The following RASGRP3 variants were observed in gnomAD, a reference collection of about 807,000 sequenced individuals.
RASGRP3 encodes the protein RAS guanyl releasing protein 3.
RASGRP3 carries 54 observed loss-of-function variants against 82.7 expected under a neutral mutation model. The ratio of observed to expected loss-of-function variants is 0.65; its 90% CI spans 0.52 to 0.82. The LOEUF is 0.82. Among genes scored for constraint, RASGRP3 ranks in the 40% least tolerant of loss-of-function variants. RASGRP3 has a pLI of 0.00. For missense variants in RASGRP3, 861 were observed against 828.9 expected, an observed-to-expected ratio of 1.04 and a Z score of -0.48; for synonymous variants, 309 against 300.5, an observed-to-expected ratio of 1.03 and a Z score of -0.29.
chr2:33,548,221 C>T (rs1439630945), intron 13 of RASGRP3, among the ~76,000 whole-genome samples: 3 of 151,756 alleles, frequency 2.0e-5, no homozygotes, highest in Non-Finnish European at 4.4e-5. Context: ...ATTAGCTGGG[C>T]GCAGTGGCGG....
chr2:33,511,608 C>T (rs1055170932), intron 1 of RASGRP3, 102 bp from the exon 2 acceptor site: 2 of 152,606 alleles, frequency 1.3e-5, no homozygotes, highest in Non-Finnish European at 2.9e-5. Context: ...TCAAATACCA[C>T]CTATAACTCA....
At chr2:33,546,198 T>C (rs1574475586) in intron 13 of RASGRP3, among the ~76,000 whole-genome samples, 2 of 151,224 alleles carry the variant, frequency 1.3e-5, no homozygotes, top group African/African-American at 2.4e-5. Flanking sequence ...CTGAGGTGGG[T>C]GGATCACGAT....
chr2:33,542,965 T>G (rs972873563), intron 12 of RASGRP3, among the ~76,000 whole-genome samples: 1 of 152,200 alleles, frequency 6.6e-6, no homozygotes, highest in African/African-American at 2.4e-5. Context: ...AGTGCTAGGA[T>G]TGCAGGCATG....
At position 33,466,053 on chromosome 2, in the gene RASGRP3, A is replaced by G. The variant is rs188344451; in HGVS notation, c.-261+18110A>G. ...CACCCAAGAGCTCTAGTGTAGATGT[A>G]CAAAGAGATGAATGTTGTTTTTATG... On this transcript the variant is annotated intron_variant, in intron 2 of 18. Coordinates refer to the RASGRP3 transcript ENST00000402538. 7.9e-4 allele frequency among the ~76,000 whole-genome samples: 120 copies of G among 151,532 alleles called. 1 individual carries two copies. Among genetic ancestry groups the G allele is most frequent in the Non-Finnish European group, 1.2e-3 (79 of 67,804 alleles).
chr2:33,450,778 GT>G lies in RASGRP3; in HGVS notation c.-261+2842del, dbSNP rs1265746868. ...AGTATATGATAGTTCTATTTTAAAT[GT>G]TTTTTTCTTTTTTCTTTTCTTTCTT... On this transcript the variant is annotated intron_variant, in intron 2 of 18. Coordinates refer to the RASGRP3 transcript ENST00000402538. Among the ~76,000 whole-genome samples, 13 of 89,884 alleles carry G rather than the reference GT, an allele frequency of 1.4e-4. No homozygotes were observed. The Admixed American group carries it at 1.4e-3, about 10-fold the overall frequency. 59.0% of individuals were successfully genotyped at this position (89,884 alleles called of 152,430 possible).
intron 13 of RASGRP3, 106 bp downstream of exon 13, chr2:33,543,733 C>G (rs1347221809): frequency 2.6e-6 from 2 of 767,824 alleles, no homozygotes; most frequent in African/African-American, 1.8e-5. Context: ...AGCTTCAACC[C>G]TGGTGCTTTG....
At chr2:33,550,791 A>G (rs1675283201) in intron 14 of RASGRP3, among the ~76,000 whole-genome samples, 1 of 152,166 alleles carries the variant, frequency 6.6e-6, no homozygotes, top group East Asian at 1.9e-4. Flanking sequence ...TGCTCAAAGA[A>G]CTGGCTTTCA....
In RASGRP3 at chr2:33,534,377, C is replaced by T; in HGVS notation, c.1138C>T (p.Leu380=). 6.3e-7 allele frequency: 1 copy of T among 1,576,414 alleles called. No individual in the cohort carries two copies. The highest frequency in any genetic ancestry group is 8.7e-7 in the Non-Finnish European group (1 of 1,147,750). ...TGATATTTACAAACTGTCACTGGTG[C>T]TGGAGCCTAGAAATTCTAAATCGGT... is the stretch of plus-strand genomic sequence containing the variant. ...EDDIYKLSLV[L]EPRNSKSQPT... The change falls in exon 11 of 18, where the codon CTG becomes TTG. Residue 380 remains leucine (L), a synonymous_variant. Transcript: ENST00000403687.
At position 33,478,533 on chromosome 2, in the gene RASGRP3, G is replaced by A. The variant is rs186138113; in HGVS notation, c.-261+1826G>A. On this transcript the variant is annotated intron_variant, in intron 1 of 17. Coordinates refer to ENST00000403687, the MANE Select transcript of RASGRP3 (RefSeq NM_001139488.2). ...CATAATAAAATGGAATGTCTAAATG[G>A]GAGCAGTTGAATTATCCAACTGCTG... 4.8e-3 allele frequency among the ~76,000 whole-genome samples: 727 copies of A among 152,244 alleles called. 4 individuals are homozygous for A. The highest frequency in any genetic ancestry group is 7.7e-3 in the Non-Finnish European group (523 of 68,012).
At chr2:33,489,355 A>T (rs960333838) in intron 1 of RASGRP3, among the ~76,000 whole-genome samples, 6 of 152,184 alleles carry the variant, frequency 3.9e-5, no homozygotes, top group African/African-American at 7.2e-5. Flanking sequence ...ACTTGCAGAA[A>T]TACTGCTGCA....
intron 13 of RASGRP3, among the ~76,000 whole-genome samples, chr2:33,548,470 G>A (rs1463690222): frequency 6.6e-6 from 1 of 151,712 alleles, no homozygotes; most frequent in Non-Finnish European, 1.5e-5. Context: ...GAGCGTATTT[G>A]TGAACGGAGG....
rs760438655 is a variant in RASGRP3, at chr2:33,524,061, G to C, written c.690+9G>C. 1 of 1,612,064 alleles carries C rather than the reference G, an allele frequency of 6.2e-7. No homozygotes were observed. The highest frequency in any genetic ancestry group is 1.7e-4 in the Middle Eastern group (1 of 6,056). On this transcript the variant is annotated intron_variant, in intron 8 of 17. Coordinates refer to ENST00000403687, the MANE Select transcript of RASGRP3 (RefSeq NM_001139488.2). ...TTATCAATGTTGCAAAGGTATGTCT[G>C]GTAATCAGACTGGGTTCTTGAGTTC... is the stretch of plus-strand genomic sequence containing the variant.
chr2:33,515,734 C>T (rs765353968), intron 3 of RASGRP3, among the ~76,000 whole-genome samples: 21 of 152,160 alleles, frequency 1.4e-4, no homozygotes, highest in Non-Finnish European at 2.9e-4. Context: ...CACTTTTCAG[C>T]TGTATGCTCC....
intron 3 of RASGRP3, among the ~76,000 whole-genome samples, chr2:33,516,044 T>G (rs910280164): frequency 3.3e-5 from 5 of 152,218 alleles, no homozygotes; most frequent in African/African-American, 1.2e-4. Flanking sequence ...AACTGTCAAC[T>G]GTAGACCAGA....
intron 2 of RASGRP3, among the ~76,000 whole-genome samples, chr2:33,462,557 T>C (rs1231744193): frequency 6.6e-6 from 1 of 151,998 alleles, no homozygotes; most frequent in African/African-American, 2.4e-5. Flanking sequence ...TTTGTATTTT[T>C]AGTAGAGATG....
intron 2 of RASGRP3, among the ~76,000 whole-genome samples, chr2:33,512,317 A>G (rs886644033): frequency 6.6e-6 from 1 of 152,218 alleles, no homozygotes; most frequent in African/African-American, 2.4e-5. Flanking sequence ...CAGCTGAGTA[A>G]TTTTGGTTTT....
chr2:33,548,378 AAAAAAG>A (rs1317484865), intron 13 of RASGRP3, among the ~76,000 whole-genome samples: 30 of 144,994 alleles, frequency 2.1e-4, no homozygotes, highest in African/African-American at 7.6e-4. Flanking sequence ...AAAAAAAAAA[AAAAAAG>A]AAGGTAGAAA....
At chr2:33,539,284 C>G in intron 12 of RASGRP3, 74 bp downstream of exon 12, 6 of 1,250,790 alleles carry the variant, frequency 4.8e-6, no homozygotes, top group Non-Finnish European at 6.8e-6. Context: ...TGCGATTGTC[C>G]AGGAATCTGA....
intron 13 of RASGRP3, among the ~76,000 whole-genome samples, chr2:33,546,461 C>T (rs1674772782): frequency 6.6e-6 from 1 of 151,436 alleles, no homozygotes; most frequent in Admixed American, 6.6e-5. Context: ...ATAACAGATG[C>T]TAGTGAAGTT....
Sources: gnomAD v4.1 joint callset for allele counts (sites outside exome capture counted in the v4.1 genomes callset) on GRCh38, gnomAD v4.1.1 for gene constraint, MANE v1.5 for transcripts, NCBI Gene and HGNC (gene_info 2026-07-23, HGNC 2026-07-21) for gene names.